NELL1: variants seen among roughly 807,000 people sequenced by gnomAD.
NELL1 encodes neural EGFL like 1, also known as protein kinase C-binding protein NELL1.
NELL1 carries 76 observed loss-of-function variants against 107.4 expected under a neutral mutation model. The observed-to-expected ratio is 0.71, with a 90% confidence interval of 0.59 to 0.86. NELL1 has a LOEUF of 0.86. Ranked by LOEUF, NELL1 falls within the 40% of genes least tolerant of loss-of-function variation. The pLI is 0.00. For synonymous variants in NELL1, 353 were observed against 341.2 expected (o/e 1.03, Z -0.38); for missense variants, 1,024 against 1,005.5 (o/e 1.02, Z -0.25).
At chr11:21,493,268 A>G (rs1854879385) in intron 15 of NELL1, among the ~76,000 whole-genome samples, 2 of 152,158 alleles carry the variant, frequency 1.3e-5, no homozygotes, top group South Asian at 4.1e-4. Context: ...CAGGATATCA[A>G]AAAGATACCT....
intron 15 of NELL1, among the ~76,000 whole-genome samples, chr11:21,389,091 C>T (rs1164460987): frequency 2.6e-5 from 4 of 151,826 alleles, no homozygotes; most frequent in Non-Finnish European, 4.4e-5. Context: ...ACTCTTCAGT[C>T]TATCAATATA....
chr11:20,817,229 TG>T (rs1319392151), intron 3 of NELL1, among the ~76,000 whole-genome samples: 7 of 152,148 alleles, frequency 4.6e-5, no homozygotes, highest in Non-Finnish European at 1.0e-4. Context: ...AACTCTTCTT[TG>T]TATGTTTGGT....
chr11:21,278,020 C>T (rs147657010), intron 14 of NELL1, among the ~76,000 whole-genome samples: 6,567 of 149,636 alleles, frequency 0.044, 178 homozygotes, highest in Admixed American at 0.071. Flanking sequence ...GCACGTTGTG[C>T]ACATGTACCC....
intron 12 of NELL1, among the ~76,000 whole-genome samples, chr11:21,020,602 T>C (rs1227189994): frequency 2.6e-5 from 4 of 152,014 alleles, no homozygotes; most frequent in Non-Finnish European, 1.5e-5. Context: ...TAACCCAAGA[T>C]GTGCTATTTC....
intron 12 of NELL1, among the ~76,000 whole-genome samples, chr11:21,105,652 C>G (rs539884708): frequency 2.6e-5 from 4 of 152,054 alleles, no homozygotes; most frequent in African/African-American, 4.8e-5. Context: ...ATGGGTTGCT[C>G]TTTGTTAGAA....
chr11:21,458,895 C>T (rs955773669), intron 15 of NELL1, among the ~76,000 whole-genome samples: 1 of 151,420 alleles, frequency 6.6e-6, no homozygotes, highest in African/African-American at 2.4e-5. Flanking sequence ...ATCACCATCA[C>T]CATCATCATT....
At chr11:21,486,358 G>C (rs895760906) in intron 15 of NELL1, among the ~76,000 whole-genome samples, 2 of 152,156 alleles carry the variant, frequency 1.3e-5, no homozygotes, top group African/African-American at 4.8e-5. Flanking sequence ...GGAAATTGCA[G>C]ATATCACCAA....
intron 15 of NELL1, among the ~76,000 whole-genome samples, chr11:21,407,124 C>T (rs953988322): frequency 1.9e-4 from 29 of 152,076 alleles, no homozygotes; most frequent in Middle Eastern, 3.4e-3. Flanking sequence ...TCTTGAAATA[C>T]TATCTTTCTG....
At chr11:20,893,173 C>G (rs1849653723) in intron 5 of NELL1, among the ~76,000 whole-genome samples, 1 of 151,862 alleles carries the variant, frequency 6.6e-6, no homozygotes, top group South Asian at 2.1e-4. Flanking sequence ...AAACCAAACA[C>G]TGCATGTTCT....
chr11:20,988,387 G>A (rs1851895203), intron 12 of NELL1, among the ~76,000 whole-genome samples: 1 of 148,956 alleles, frequency 6.7e-6, no homozygotes, highest in Non-Finnish European at 1.5e-5. Flanking sequence ...ATATATATGT[G>A]TATATATATA....
At chr11:21,303,291 T>C (rs985536354) in intron 14 of NELL1, among the ~76,000 whole-genome samples, 2 of 152,006 alleles carry the variant, frequency 1.3e-5, no homozygotes, top group African/African-American at 4.8e-5. Flanking sequence ...ATGTATACTT[T>C]AAGATATATT....
At chr11:21,342,443 G>A (rs560858223) in intron 14 of NELL1, among the ~76,000 whole-genome samples, 51 of 149,806 alleles carry the variant, frequency 3.4e-4, no homozygotes, top group East Asian at 2.4e-3. Context: ...CCAGGAGTTC[G>A]AGACCAGCCT....
chr11:21,541,651 G>C (rs1381818146), intron 16 of NELL1, among the ~76,000 whole-genome samples: 1 of 152,024 alleles, frequency 6.6e-6, no homozygotes, highest in Non-Finnish European at 1.5e-5. Context: ...AATGGAGAGG[G>C]GTTTTAAGGA....
intron 2 of NELL1, among the ~76,000 whole-genome samples, chr11:20,740,667 C>T (rs1396226024): frequency 6.6e-6 from 1 of 152,168 alleles, no homozygotes; most frequent in Non-Finnish European, 1.5e-5. Context: ...TTAATGTTGT[C>T]ATGATGATGA....
chr11:20,771,630 T>C (rs1336621126), intron 2 of NELL1, among the ~76,000 whole-genome samples: 3 of 152,220 alleles, frequency 2.0e-5, no homozygotes, highest in East Asian at 3.9e-4. Context: ...AAAGATACTC[T>C]TAGAGCTGTT....
At chr11:20,684,891 T>A (rs1440520651) in intron 2 of NELL1, among the ~76,000 whole-genome samples, 1 of 152,128 alleles carries the variant, frequency 6.6e-6, no homozygotes, top group Non-Finnish European at 1.5e-5. Context: ...CCAGTTTGAC[T>A]GGTGGAAATA....
chr11:20,888,784 C>A (rs1849560434), intron 5 of NELL1, among the ~76,000 whole-genome samples: 1 of 152,122 alleles, frequency 6.6e-6, no homozygotes, highest in African/African-American at 2.4e-5. Context: ...GGCATGCTAG[C>A]AGGTGGCAGG....
At chr11:21,256,841 C>T (rs769849264) in intron 14 of NELL1, among the ~76,000 whole-genome samples, 2 of 151,810 alleles carry the variant, frequency 1.3e-5, no homozygotes, top group Non-Finnish European at 2.9e-5. Context: ...ACCGGAAGCA[C>T]GGGTATAGGG....
At chr11:21,440,737 G>A (rs1853262228) in intron 15 of NELL1, among the ~76,000 whole-genome samples, 2 of 152,114 alleles carry the variant, frequency 1.3e-5, no homozygotes, top group African/African-American at 4.8e-5. Context: ...GTGACAATCA[G>A]CACCCAGTGC....
Sources: gnomAD v4.1 joint callset for allele counts (sites outside exome capture counted in the v4.1 genomes callset) on GRCh38, gnomAD v4.1.1 for gene constraint, MANE v1.5 for transcripts, NCBI Gene and HGNC (gene_info 2026-07-23, HGNC 2026-07-21) for gene names.